DPF3: variants seen among roughly 807,000 people sequenced by gnomAD.
DPF3 encodes double PHD fingers 3, also known as zinc finger protein DPF3.
Under a neutral mutation model 56.8 loss-of-function variants are expected in DPF3, and 18 were observed. That is an observed-to-expected ratio of 0.32 (90% CI 0.22 to 0.47). The LOEUF (loss-of-function observed/expected upper bound fraction) is 0.47, where lower values mean the gene tolerates loss of function less well. Among genes scored for constraint, DPF3 ranks in the 20% least tolerant of loss-of-function variants. DPF3 has a pLI of 1.00. For synonymous variants in DPF3, 188 were observed against 180.2 expected, an observed-to-expected ratio of 1.04 and a Z score of -0.35; for missense variants, 403 against 488.8, an observed-to-expected ratio of 0.82 and a Z score of 1.65.
chr14:72,649,518 A>C (rs555788061), intron 8 of DPF3, among the ~76,000 whole-genome samples: 2 of 152,188 alleles, frequency 1.3e-5, no homozygotes, highest in Admixed American at 6.5e-5. Flanking sequence ...GGATACAGAG[A>C]AGAAGGGGGC....
chr14:72,751,470 G>A (rs373337925), intron 3 of DPF3, among the ~76,000 whole-genome samples: 35 of 152,296 alleles, frequency 2.3e-4, no homozygotes, highest in East Asian at 7.7e-4. Flanking sequence ...GCTTCTGCAC[G>A]TCTGACAAGC....
intron 8 of DPF3, among the ~76,000 whole-genome samples, chr14:72,658,148 G>A (rs1421137966): frequency 6.6e-6 from 1 of 152,186 alleles, no homozygotes; most frequent in Non-Finnish European, 1.5e-5. Flanking sequence ...AATGTAAAGA[G>A]TGTAATCAGA....
intron 9 of DPF3, among the ~76,000 whole-genome samples, chr14:72,627,698 T>C (rs1367088972): frequency 3.3e-5 from 5 of 152,150 alleles, no homozygotes; most frequent in African/African-American, 9.6e-5. Context: ...AGTTTGTTGA[T>C]ATTTTTATTG....
chr14:72,892,880 TCC>T (rs2140139376), intron 1 of DPF3, among the ~76,000 whole-genome samples: 1 of 152,088 alleles, frequency 6.6e-6, no homozygotes, highest in African/African-American at 2.4e-5. Context: ...ACACTAGTTT[TCC>T]GAGGCCACCC....
At chr14:72,826,982 C>T (rs1883832315) in intron 1 of DPF3, among the ~76,000 whole-genome samples, 4 of 149,806 alleles carry the variant, frequency 2.7e-5, no homozygotes, top group Admixed American at 1.3e-4. Flanking sequence ...GTGGAGGTTG[C>T]AGTGAGCCAA....
At chr14:72,728,699 G>C (rs1183891136) in intron 4 of DPF3, among the ~76,000 whole-genome samples, 1 of 152,052 alleles carries the variant, frequency 6.6e-6, no homozygotes, top group Non-Finnish European at 1.5e-5. Flanking sequence ...CACCTGGTAA[G>C]CACCAAGCAC....
intron 7 of DPF3, among the ~76,000 whole-genome samples, chr14:72,683,732 C>T (rs948565599): frequency 2.0e-5 from 3 of 152,152 alleles, no homozygotes; most frequent in South Asian, 2.1e-4. Flanking sequence ...CTGTGCAAAT[C>T]ATTTGGGGAT....
At chr14:72,662,529 G>C (rs1352632045) in intron 8 of DPF3, 1 of 984,988 alleles carries the variant, frequency 1.0e-6, no homozygotes, top group Non-Finnish European at 1.2e-6. Context: ...GGCGGACCTG[G>C]GTACTTTCTC....
At chr14:72,776,837 C>G (rs946113955) in intron 1 of DPF3, among the ~76,000 whole-genome samples, 2 of 151,752 alleles carry the variant, frequency 1.3e-5, no homozygotes, top group Non-Finnish European at 2.9e-5. Flanking sequence ...CCTGCTCCCG[C>G]CCACTCAAGT....
At chr14:72,757,637 T>TA (rs930399873) in intron 2 of DPF3, among the ~76,000 whole-genome samples, 19 of 152,056 alleles carry the variant, frequency 1.2e-4, no homozygotes, top group Non-Finnish European at 2.5e-4. Context: ...AAATACAATT[T>TA]AAAAAAATAC....
chr14:72,693,240 A>T (rs1887772019), intron 6 of DPF3, 27 bp from the exon 7 acceptor site: 1 of 1,612,068 alleles, frequency 6.2e-7, no homozygotes, highest in South Asian at 1.1e-5. Flanking sequence ...GAAAAAAGGG[A>T]GAGATACAAA....
chr14:72,762,709 A>T (rs1320618250), intron 2 of DPF3, among the ~76,000 whole-genome samples: 1 of 152,022 alleles, frequency 6.6e-6, no homozygotes, highest in Non-Finnish European at 1.5e-5. Context: ...GTCCAGTCTC[A>T]CCACTTTTAC....
rs1007325053 is a variant in DPF3, at chr14:72,731,602, G to A, written c.429+205C>T. On this transcript the variant is annotated intron_variant, in intron 4 of 10. Transcript: ENST00000556509. ...CAGACAGAAGAGAGGGAAGGGAACC[G>A]AGGTGAAGGCAATAATGACTCCTTC... 3.9e-5 allele frequency: 24 copies of A among 622,212 alleles called. No individual in the cohort carries two copies. In the East Asian group the frequency reaches 5.8e-4, roughly 15 times the overall value. 38.5% of individuals were successfully genotyped at this position (622,212 alleles called of 1,614,324 possible). A position where few individuals can be genotyped will look rare whatever the true frequency, so the allele number is the denominator to read the frequency against.
chr14:72,855,236 T>C (rs768033917), intron 1 of DPF3, among the ~76,000 whole-genome samples: 60 of 152,204 alleles, frequency 3.9e-4, no homozygotes, highest in Non-Finnish European at 1.0e-4. Context: ...ATCTGTGAGA[T>C]GAACGAAATG....
At position 72,876,361 on chromosome 14, in the gene DPF3, C is replaced by T. The variant is rs550491246; in HGVS notation, c.32+17696G>A. Among the ~76,000 whole-genome samples, 141 of 152,318 alleles carry T rather than the reference C, an allele frequency of 9.3e-4. 1 individual carries two copies. Among genetic ancestry groups the T allele is most frequent in the African/African-American group, 3.3e-3 (136 of 41,568 alleles). Reference sequence around the variant, plus strand: ...CCTTAGTGAGAGGGAAGACTGGAGACAGACAATCCCCCTTGCTGGAGGACA... The same window carrying T: ...CCTTAGTGAGAGGGAAGACTGGAGATAGACAATCCCCCTTGCTGGAGGACA... On this transcript the variant is annotated intron_variant, in intron 1 of 10. Transcript: ENST00000556509.
At chr14:72,854,388 C>T (rs1255438853) in intron 1 of DPF3, among the ~76,000 whole-genome samples, 6 of 152,096 alleles carry the variant, frequency 3.9e-5, no homozygotes, top group Non-Finnish European at 7.4e-5. Context: ...AAAAACAAAT[C>T]ATCTTTTATT....
At chr14:72,705,637 C>T (rs1888372522) in intron 6 of DPF3, among the ~76,000 whole-genome samples, 1 of 152,194 alleles carries the variant, frequency 6.6e-6, no homozygotes, top group South Asian at 2.1e-4. Context: ...TCCCTACCCA[C>T]ATGCTCTGGG....
chr14:72,882,788 G>A (rs1886368861), intron 1 of DPF3, among the ~76,000 whole-genome samples: 1 of 149,558 alleles, frequency 6.7e-6, no homozygotes, highest in South Asian at 2.1e-4. Flanking sequence ...CACCAGCACC[G>A]CGTTGCCGCC....
chr14:72,661,033 C>T, intron 8 of DPF3: 8 of 985,326 alleles, frequency 8.1e-6, no homozygotes, highest in Non-Finnish European at 8.4e-6. Flanking sequence ...GCAAATTTTA[C>T]AGAGATGCTA....
Sources: gnomAD v4.1 joint callset for allele counts (sites outside exome capture counted in the v4.1 genomes callset) on GRCh38, gnomAD v4.1.1 for gene constraint, MANE v1.5 for transcripts, NCBI Gene and HGNC (gene_info 2026-07-23, HGNC 2026-07-21) for gene names.